CDH23: variants seen among roughly 807,000 people sequenced by gnomAD.
CDH23 encodes cadherin related 23, also known as cadherin-23.
In CDH23, 189 loss-of-function variants were observed where a neutral mutation model predicts 317.1. That is an observed-to-expected ratio of 0.60 (90% CI 0.53 to 0.67). The LOEUF is 0.67. Among genes scored for constraint, CDH23 ranks in the 30% least tolerant of loss-of-function variants. The pLI is 0.00. For synonymous variants in CDH23, 1,839 were observed against 1,876.8 expected, an observed-to-expected ratio of 0.98 and a Z score of 0.52; for missense variants, 4,401 against 4,592.4, an observed-to-expected ratio of 0.96 and a Z score of 1.20.
Position 71,454,126 on chromosome 10 carries a change from A to G in CDH23, c.145+7731A>G, listed in dbSNP as rs188979008. ...TAGTTTGAGAGCCACTGTTTTTATC[A>G]AACATTCCCACTTTGAAGATGGAGA... On this transcript the variant is annotated intron_variant, in intron 3 of 69. Coordinates refer to ENST00000224721, the MANE Select transcript of CDH23 (RefSeq NM_022124.6). Among the ~76,000 whole-genome samples, 368 of 152,294 alleles carry G rather than the reference A, an allele frequency of 2.4e-3. 2 individuals are homozygous for G. Among genetic ancestry groups the G allele is most frequent in the African/African-American group, 8.6e-3 (359 of 41,552 alleles).
chr10:71,519,919 G>T lies in CDH23; in HGVS notation c.429+8707G>T, dbSNP rs1051045396. ...TCCTCCTACATCAGCCTCCCAAGTAGCTGGGACTACAGGCACATACCAACA... is the reference window on the plus strand; with the variant it reads ...TCCTCCTACATCAGCCTCCCAAGTATCTGGGACTACAGGCACATACCAACA... On this transcript the variant is annotated intron_variant, in intron 6 of 69. Coordinates refer to ENST00000224721, the MANE Select transcript of CDH23 (RefSeq NM_022124.6). Among the ~76,000 whole-genome samples the T allele has an allele frequency of 3.3e-5, 5 of 152,046 alleles. No individual in the cohort carries two copies. The East Asian group carries it at 9.7e-4, about 29-fold the overall frequency.
At chr10:71,809,508 T>G (rs1191225826) in intron 60 of CDH23, among the ~76,000 whole-genome samples, 1 of 152,052 alleles carries the variant, frequency 6.6e-6, no homozygotes, top group Non-Finnish European at 1.5e-5. Flanking sequence ...TACATGTGTT[T>G]GAAAGAGAGA....
chr10:71,632,064 A>G (rs1053446398), intron 11 of CDH23, among the ~76,000 whole-genome samples: 3 of 152,202 alleles, frequency 2.0e-5, no homozygotes, highest in African/African-American at 7.2e-5. Context: ...GGGGATAGGT[A>G]ACAAGAATCT....
intron 25 of CDH23, among the ~76,000 whole-genome samples, chr10:71,706,485 G>T (rs1347530711): frequency 2.0e-5 from 3 of 152,178 alleles, no homozygotes; most frequent in Non-Finnish European, 1.5e-5. Flanking sequence ...GGCTGCATGT[G>T]GTCCTGTATG....
intron 11 of CDH23, among the ~76,000 whole-genome samples, chr10:71,638,276 C>A (rs1010637917): frequency 3.3e-5 from 5 of 152,128 alleles, no homozygotes; most frequent in African/African-American, 1.2e-4. Context: ...TTGCGTCACG[C>A]CCCTGGGTCA....
At chr10:71,617,538 T>C in intron 11 of CDH23, 145 bp downstream of exon 11, 1 of 1,475,764 alleles carries the variant, frequency 6.8e-7, no homozygotes, top group South Asian at 1.3e-5. Context: ...TAAATAAGGC[T>C]GAAAAAAAAA....
intron 1 of CDH23, among the ~76,000 whole-genome samples, chr10:71,431,495 C>G (rs192014302): frequency 6.6e-6 from 1 of 152,336 alleles, no homozygotes; most frequent in East Asian, 1.9e-4. Flanking sequence ...CCATTAGCAG[C>G]CCTAATGGTG....
At chr10:71,454,823 T>C (rs1190903872) in intron 3 of CDH23, among the ~76,000 whole-genome samples, 1 of 149,780 alleles carries the variant, frequency 6.7e-6, no homozygotes, top group Non-Finnish European at 1.5e-5. Flanking sequence ...AATAAATACA[T>C]ACTATATTTT....
At chr10:71,598,602 G>A (rs1860013776) in intron 9 of CDH23, among the ~76,000 whole-genome samples, 1 of 152,212 alleles carries the variant, frequency 6.6e-6, no homozygotes, top group Non-Finnish European at 1.5e-5. Flanking sequence ...AGGAACCCAT[G>A]TAATTGAGAA....
chr10:71,530,959 T>C (rs536891411), intron 6 of CDH23, among the ~76,000 whole-genome samples: 1 of 152,344 alleles, frequency 6.6e-6, no homozygotes, highest in South Asian at 2.1e-4. Flanking sequence ...GCATGATACA[T>C]AGAGAGCCTG....
chr10:71,681,367 A>G (rs2132679729), intron 17 of CDH23, among the ~76,000 whole-genome samples: 1 of 152,204 alleles, frequency 6.6e-6, no homozygotes, highest in African/African-American at 2.4e-5. Context: ...CTTAGCACAA[A>G]CAAGTACTAA....
chr10:71,407,001 A>C (rs917681120), intron 1 of CDH23, among the ~76,000 whole-genome samples: 4 of 152,366 alleles, frequency 2.6e-5, no homozygotes, highest in Admixed American at 6.5e-5. Context: ...TAGTCCTTAC[A>C]ACAACCCTAC....
intron 9 of CDH23, among the ~76,000 whole-genome samples, chr10:71,613,128 C>T (rs1718294690): frequency 6.6e-6 from 1 of 152,230 alleles, no homozygotes; most frequent in Non-Finnish European, 1.5e-5. Flanking sequence ...GGATTACAGG[C>T]ATGAGCCACC....
chr10:71,814,901 C>A, intron 69 of CDH23, 51 bp from the exon 70 acceptor site: 1 of 1,533,908 alleles, frequency 6.5e-7, no homozygotes, highest in South Asian at 1.2e-5. Context: ...CATCCACCTG[C>A]TCACCCCTTG....
chr10:71,457,592 C>T (rs1850756940), intron 3 of CDH23, among the ~76,000 whole-genome samples: 1 of 152,174 alleles, frequency 6.6e-6, no homozygotes, highest in Admixed American at 6.5e-5. Flanking sequence ...GGAGCAGCTG[C>T]TCCTAAGGAG....
chr10:71,785,000 C>T lies in CDH23; in HGVS notation c.5612C>T (p.Ala1871Val). 6.2e-7 allele frequency: 1 copy of T among 1,614,076 alleles called. No homozygotes were observed. The change falls in exon 43 of 70, where the codon GCC becomes GTC. Residue 1871 changes from alanine (A) to valine (V), a missense_variant. By Grantham distance (64) the Ala-to-Val change is moderately conservative (BLOSUM62 0). This residue lies in a region of CDH23 where 3,068 missense variants were observed against 3,203.3 expected (regional missense o/e 0.96). Transcript: ENST00000224721. ...AACAGCCCTGTCTCCAGCTTTGTCG[C>T]CCATGTCCTGGCCAGTGACGCTGAC... ...SENSPVSSFV[A>V]HVLASDADSG...
Position 71,517,220 on chromosome 10 carries a change from G to C in CDH23, c.429+6008G>C, listed in dbSNP as rs77975637. ...CCTTACTGTGCATGGTCCAGGGCTG[G>C]GTGAGGAGCGGTGAGGCCTAGCACT... On this transcript the variant is annotated intron_variant, in intron 6 of 69. Coordinates refer to ENST00000224721, the MANE Select transcript of CDH23 (RefSeq NM_022124.6). Among the ~76,000 whole-genome samples the C allele has an allele frequency of 5.6e-3, 852 of 152,332 alleles. 39 individuals carry two copies. The East Asian group carries it at 0.12, about 22-fold the overall frequency.
At chr10:71,444,527 G>A (rs1589316705) in intron 2 of CDH23, among the ~76,000 whole-genome samples, 1 of 152,214 alleles carries the variant, frequency 6.6e-6, no homozygotes, top group South Asian at 2.1e-4. Flanking sequence ...AGATTTGGAG[G>A]ATGAATAGGA....
At chr10:71,722,465 G>C (rs976822996) in intron 28 of CDH23, among the ~76,000 whole-genome samples, 1 of 152,222 alleles carries the variant, frequency 6.6e-6, no homozygotes, top group African/African-American at 2.4e-5. Flanking sequence ...CTGAGTGTCA[G>C]CCTAGTTCCT....
Sources: gnomAD v4.1 joint callset for allele counts (sites outside exome capture counted in the v4.1 genomes callset) on GRCh38, gnomAD v4.1.1 for gene constraint, gnomAD v4.1.1 regional missense constraint, MANE v1.5 for transcripts, NCBI Gene and HGNC (gene_info 2026-07-23, HGNC 2026-07-21) for gene names.